Variants in MCTP1 observed in about 807,000 individuals in gnomAD.
MCTP1 encodes multiple C2 and transmembrane domain containing 1.
In MCTP1, 69 loss-of-function variants were observed where a neutral mutation model predicts 120.6. The ratio of observed to expected loss-of-function variants is 0.57; its 90% CI spans 0.47 to 0.70. The LOEUF is 0.70. Ranked by LOEUF, MCTP1 falls within the 30% of genes least tolerant of loss-of-function variation. The pLI, the probability that MCTP1 is intolerant of heterozygous loss-of-function variation, is 0.00. For missense variants in MCTP1, 1,203 were observed against 1,248.8 expected (o/e 0.96, Z 0.55); for synonymous variants, 529 against 493.1 (o/e 1.07, Z -0.96).
chr5:94,978,590 C>G (rs1828652806), intron 2 of MCTP1, among the ~76,000 whole-genome samples: 2 of 151,980 alleles, frequency 1.3e-5, no homozygotes, highest in Non-Finnish European at 2.9e-5. Context: ...ATGCTATATA[C>G]CAGCCACAGA....
chr5:95,196,279 T>C (rs1161010130), intron 1 of MCTP1, among the ~76,000 whole-genome samples: 1 of 152,202 alleles, frequency 6.6e-6, no homozygotes, highest in Admixed American at 6.6e-5. Context: ...AGCTATCATT[T>C]CACTGTTTAT....
At chr5:94,927,679 G>T (rs1333383445) in intron 6 of MCTP1, among the ~76,000 whole-genome samples, 1 of 152,080 alleles carries the variant, frequency 6.6e-6, no homozygotes, top group Non-Finnish European at 1.5e-5. Flanking sequence ...TTAAAGATGT[G>T]TTAATCTGTT....
At chr5:95,174,951 CCT>C (rs1298627246) in intron 1 of MCTP1, among the ~76,000 whole-genome samples, 3 of 151,588 alleles carry the variant, frequency 2.0e-5, no homozygotes, top group African/African-American at 4.9e-5. Context: ...CATTTGTCTC[CCT>C]GTCTTTCTTA....
chr5:95,192,444 T>A (rs1424706328), intron 1 of MCTP1, among the ~76,000 whole-genome samples: 2 of 152,006 alleles, frequency 1.3e-5, no homozygotes, highest in African/African-American at 4.8e-5. Flanking sequence ...TTGAACAAAT[T>A]TGTTTTATTT....
At chr5:95,198,862 G>T (rs1009689287) in intron 1 of MCTP1, among the ~76,000 whole-genome samples, 3 of 152,162 alleles carry the variant, frequency 2.0e-5, no homozygotes, top group African/African-American at 7.2e-5. Context: ...ATTGGTTGAG[G>T]TTTGGAACCT....
At chr5:94,814,710 A>G (rs982161645) in intron 17 of MCTP1, among the ~76,000 whole-genome samples, 1 of 152,206 alleles carries the variant, frequency 6.6e-6, no homozygotes, top group African/African-American at 2.4e-5. Context: ...GTGAGAGAAG[A>G]CATGGAAAGA....
At chr5:94,914,664 A>G (rs12519599) in intron 8 of MCTP1, among the ~76,000 whole-genome samples, 34,194 of 152,030 alleles carry the variant, frequency 0.22, 4,789 homozygotes, top group Non-Finnish European at 0.31. Flanking sequence ...GCAGCATTCA[A>G]ATGTGTTCTG....
intron 2 of MCTP1, among the ~76,000 whole-genome samples, chr5:94,961,492 G>A (rs1824181436): frequency 6.6e-6 from 1 of 152,098 alleles, no homozygotes; most frequent in African/African-American, 2.4e-5. Context: ...ATGGAGTTAG[G>A]ATTCCAACCA....
rs75793568 is a variant in MCTP1 at position 95,084,628 on chromosome 5, A to G, written c.721-67144T>C. Among the ~76,000 whole-genome samples the G allele has an allele frequency of 8.1e-3, 1,229 of 152,106 alleles. 42 individuals carry two copies. Among genetic ancestry groups the G allele is most frequent in the East Asian group, 0.078 (406 of 5,176 alleles). The stretch of plus-strand genomic sequence containing the variant: ...TTTATTCAACTGCAAATATATCAAC[A>G]GTCCAATGTTTATAATAATATGCTT... On this transcript the variant is annotated intron_variant, in intron 1 of 22. Coordinates refer to ENST00000515393, the MANE Select transcript of MCTP1 (RefSeq NM_024717.7).
intron 2 of MCTP1, among the ~76,000 whole-genome samples, chr5:94,993,321 C>T (rs563312762): frequency 9.9e-5 from 15 of 151,722 alleles, no homozygotes; most frequent in Middle Eastern, 3.4e-3. Context: ...GTCATAATTA[C>T]GGAGCATCTA....
intron 1 of MCTP1, among the ~76,000 whole-genome samples, chr5:95,110,069 A>G (rs1353119172): frequency 6.6e-6 from 1 of 152,076 alleles, no homozygotes; most frequent in East Asian, 1.9e-4. Flanking sequence ...GTGGGCATAA[A>G]ATATTTTCCC....
chr5:94,946,849 C>T (rs1561902827), intron 3 of MCTP1, among the ~76,000 whole-genome samples: 1 of 152,164 alleles, frequency 6.6e-6, no homozygotes, highest in Non-Finnish European at 1.5e-5. Context: ...GCATCCTTCT[C>T]CCCCAGTGCT....
intron 5 of MCTP1, among the ~76,000 whole-genome samples, chr5:94,937,891 TCTGGGAATACA>T (rs1816602092): frequency 6.6e-6 from 1 of 152,054 alleles, no homozygotes; most frequent in Non-Finnish European, 1.5e-5. Context: ...GTTTAGATGG[TCTGGGAATACA>T]CAGGATCTCA....
rs541511146 is a variant in MCTP1 at position 94,906,322 on chromosome 5, C to T, written c.1652+2929G>A. ...GCAGCATGGCAAAACGCTGCCTCTA[C>T]CAAAAATACAAAAATTAGCCGGGCA... On this transcript the variant is annotated intron_variant, in intron 10 of 22. Coordinates refer to ENST00000515393, the MANE Select transcript of MCTP1 (RefSeq NM_024717.7). Among the ~76,000 whole-genome samples the T allele has an allele frequency of 3.9e-5, 6 of 152,148 alleles. No individual in the cohort carries two copies. The East Asian group carries it at 1.2e-3, about 29-fold the overall frequency.
chr5:94,953,838 T>G (rs1193065310), intron 2 of MCTP1, among the ~76,000 whole-genome samples: 1 of 44,586 alleles, frequency 2.2e-5, no homozygotes, highest in East Asian at 3.1e-4. Context: ...TACATATATA[T>G]ATATACACAA....
intron 17 of MCTP1, among the ~76,000 whole-genome samples, chr5:94,804,450 C>CT (rs1341576728): frequency 1.3e-5 from 2 of 151,660 alleles, no homozygotes; most frequent in East Asian, 1.9e-4. Flanking sequence ...CTTTTCTTTT[C>CT]TTTTTTTTGA....
chr5:95,001,170 T>A (rs1441076186), intron 2 of MCTP1, among the ~76,000 whole-genome samples: 1 of 152,194 alleles, frequency 6.6e-6, no homozygotes, highest in East Asian at 1.9e-4. Flanking sequence ...TCCTGAAGCC[T>A]CCCCAGCCAT....
intron 1 of MCTP1, among the ~76,000 whole-genome samples, chr5:95,204,463 G>A (rs1459099543): frequency 6.6e-6 from 1 of 152,170 alleles, no homozygotes; most frequent in African/African-American, 2.4e-5. Flanking sequence ...CTAAGATCAG[G>A]AACAAGCAAG....
At chr5:95,081,096 T>C (rs1225724813) in intron 1 of MCTP1, among the ~76,000 whole-genome samples, 1 of 152,032 alleles carries the variant, frequency 6.6e-6, no homozygotes, top group African/African-American at 2.4e-5. Flanking sequence ...AAAAGAAATA[T>C]AAGAAACTAA....
Sources: gnomAD v4.1 joint callset for allele counts (sites outside exome capture counted in the v4.1 genomes callset) on GRCh38, gnomAD v4.1.1 for gene constraint, MANE v1.5 for transcripts, NCBI Gene and HGNC (gene_info 2026-07-23, HGNC 2026-07-21) for gene names.